AHNAK: variants seen among roughly 807,000 people sequenced by gnomAD.
AHNAK encodes AHNAK nucleoprotein.
AHNAK carries 23 observed loss-of-function variants against 37.8 expected under a neutral mutation model. The observed-to-expected ratio is 0.61, with a 90% confidence interval of 0.44 to 0.86. AHNAK has a LOEUF of 0.86. Among genes scored for constraint, AHNAK ranks in the 40% least tolerant of loss-of-function variants. The pLI, the probability that AHNAK is intolerant of heterozygous loss-of-function variation, is 0.00. For synonymous variants in AHNAK, 2,481 were observed against 2,636.3 expected (o/e 0.94, Z 1.80); for missense variants, 7,411 against 7,319.4 (o/e 1.01, Z -0.46).
At position 62,535,034 on chromosome 11, in the gene AHNAK, A is replaced by G. The variant is rs1222742426; in HGVS notation, c.311T>C (p.Val104Ala). ...PEPGQTWTRE[V>A]FSSCSSEVVL... ...CACTTCAGAGCTGCAGGAGCTGAAG[A>G]CTTCACGGGTCCAGGTCTGGCCAGG... Residue 104 changes from valine (V) to alanine (A), a missense_variant, in exon 4 of 5, where the codon GTC becomes GCC. Val to Ala is a moderately conservative substitution (Grantham distance 64). Coordinates refer to ENST00000378024, the MANE Select transcript of AHNAK (RefSeq NM_001620.3). The G allele has an allele frequency of 3.1e-6, 5 of 1,612,572 alleles. No homozygotes were observed. Among genetic ancestry groups the G allele is most frequent in the Non-Finnish European group, 4.2e-6 (5 of 1,178,974 alleles).
In AHNAK at chr11:62,526,844, C is replaced by A; in HGVS notation, c.7573G>T (p.Ala2525Ser). ...MPKFSMPGFK[A>S]EGPEVDVNLP... The stretch of plus-strand genomic sequence containing the variant: ...TTGACGTCTACTTCAGGGCCCTCTG[C>A]TTTGAAGCCAGGCATGCTGAACTTG... The change falls in exon 5 of 5, where the codon GCA becomes TCA. Residue 2525 changes from alanine (A) to serine (S), a missense_variant. Transcript: ENST00000378024. The A allele has an allele frequency of 3.7e-6, 6 of 1,613,896 alleles. No individual in the cohort carries two copies. The highest frequency in any genetic ancestry group is 5.1e-6 in the Non-Finnish European group (6 of 1,179,988).
In AHNAK at chr11:62,517,525, C is replaced by T. The variant is rs774860860; in HGVS notation, c.16892G>A (p.Gly5631Asp). 4 of 1,614,162 alleles carry T rather than the reference C, an allele frequency of 2.5e-6. No homozygotes were observed. Among genetic ancestry groups the T allele is most frequent in the Non-Finnish European group, 2.5e-6 (3 of 1,180,042 alleles). The change falls in exon 5 of 5, where the codon GGT becomes GAT. Residue 5631 changes from glycine to aspartate, a missense_variant. Gly to Asp is a moderately conservative substitution (Grantham distance 94). Transcript: ENST00000378024. ...GPKVEGGVKG[G>D]QIGLQAPGLS... is the part of the protein sequence containing the mutation. ...CCCAGGAGCCTGGAGTCCAATCTGA[C>T]CTCCTTTCACACCTCCTTCCACCTT...
rs1245451236 is a variant in AHNAK, at chr11:62,451,384, A to C, written c.443-17493T>G. Reference sequence around the variant, plus strand: ...CTGACAGCCTGGCAGGATGGCTGCCAGTAATTGTTTGAAATGGTTGCTTAA... The same window carrying C: ...CTGACAGCCTGGCAGGATGGCTGCCCGTAATTGTTTGAAATGGTTGCTTAA... On this transcript the variant is annotated intron_variant, in intron 5 of 5. Coordinates refer to the AHNAK transcript ENST00000257247. 1.3e-5 allele frequency among the ~76,000 whole-genome samples: 2 copies of C among 150,872 alleles called. 1 individual carries two copies. The highest frequency in any genetic ancestry group is 3.0e-5 in the Non-Finnish European group (2 of 67,386).
intron 5 of AHNAK, among the ~76,000 whole-genome samples, chr11:62,449,369 C>A (rs528250706): frequency 1.3e-5 from 2 of 152,274 alleles, no homozygotes; most frequent in South Asian, 4.1e-4. Flanking sequence ...GGGGTCTGCC[C>A]CCTGCTCAGC....
At chr11:62,534,150 G>C in intron 4 of AHNAK, 76 bp from the exon 5 acceptor site, 1 of 1,430,278 alleles carries the variant, frequency 7.0e-7, no homozygotes, top group Non-Finnish European at 9.3e-7. Flanking sequence ...CAGCCCAGCC[G>C]ACAACACGTT....
At chr11:62,480,945 G>A (rs1343479345) in intron 5 of AHNAK, among the ~76,000 whole-genome samples, 2 of 151,786 alleles carry the variant, frequency 1.3e-5, no homozygotes, top group South Asian at 2.1e-4. Flanking sequence ...TAATGTCCTC[G>A]ACCTTCCCCC....
rs1016065661 is a variant in AHNAK, at chr11:62,507,405, G to T, written c.343-15574C>A. 2.6e-5 allele frequency among the ~76,000 whole-genome samples: 4 copies of T among 152,306 alleles called. No individual in the cohort carries two copies. The East Asian group carries it at 7.7e-4, about 29-fold the overall frequency. On this transcript the variant is annotated intron_variant, in intron 4 of 5. Coordinates refer to the AHNAK transcript ENST00000257247. ...AGAGTATATAAGAATAGCTAACACA[G>T]TATTTACTATATGCTGACCACATTA... is the stretch of plus-strand genomic sequence containing the variant.
At chr11:62,540,290 T>G (rs1941081738) in intron 1 of AHNAK, among the ~76,000 whole-genome samples, 1 of 152,364 alleles carries the variant, frequency 6.6e-6, no homozygotes, top group East Asian at 1.9e-4. Context: ...TAGCCACATT[T>G]CAAGAGCTCA....
Position 62,532,642 on chromosome 11 carries a change from G to T in AHNAK, c.1775C>A (p.Pro592His). 1 of 1,613,120 alleles carries T rather than the reference G, an allele frequency of 6.2e-7. No homozygotes were observed. The highest frequency in any genetic ancestry group is 8.5e-7 in the Non-Finnish European group (1 of 1,179,708). Residue 592 changes from proline (P) to histidine (H), a missense_variant, in exon 5 of 5, where the codon CCC (proline) becomes CAC (histidine). Coordinates refer to ENST00000378024, the MANE Select transcript of AHNAK (RefSeq NM_001620.3). ...KVKGGVDVTL[P>H]RVEGKVKVPE... ...GACTTTGACTTTCCCTTCTACTCTG[G>T]GGAGTGTGACATCTACACCCCCTTT...
chr11:62,524,845 G>A lies in AHNAK; in HGVS notation c.9572C>T (p.Pro3191Leu), dbSNP rs1590662304. ...VSGPKVDVDV[P>L]DVNIEGPDAK... ...ATCTGGACCTTCAATATTCACATCT[G>A]GAACATCAACGTCCACCTTGGGTCC... is the stretch of plus-strand genomic sequence containing the variant. Residue 3191 changes from proline to leucine, a missense_variant, in exon 5 of 5, where the codon CCA becomes CTA. Coordinates refer to ENST00000378024, the MANE Select transcript of AHNAK (RefSeq NM_001620.3). 3 of 1,614,108 alleles carry A rather than the reference G, an allele frequency of 1.9e-6. No individual in the cohort carries two copies. In the East Asian group the frequency reaches 6.7e-5, roughly 36 times the overall value.
chr11:62,526,301 TG>T lies in AHNAK; in HGVS notation c.8115del (p.Lys2706ArgfsTer9). On this transcript the variant is annotated frameshift_variant, in exon 5 of 5. Transcript: ENST00000378024. LOFTEE classifies it low-confidence loss of function (END_TRUNC). ...AAGTCAATATCAGGCATGGAGATCT[TG>T]GGGGCTTTGATATTCATCTCTGGCA... ...FKMPEMNIKA[P>X]KISMPDIDLN... 6.2e-7 allele frequency: 1 copy of T among 1,613,970 alleles called. No individual in the cohort carries two copies. Among genetic ancestry groups the T allele is most frequent in the Non-Finnish European group, 8.5e-7 (1 of 1,179,994 alleles).
At chr11:62,488,287 A>G (rs988116861) in intron 5 of AHNAK, among the ~76,000 whole-genome samples, 18 of 152,220 alleles carry the variant, frequency 1.2e-4, no homozygotes, top group African/African-American at 4.3e-4. Flanking sequence ...TACAACAAAA[A>G]GTGCTGCATT....
At chr11:62,439,403 C>T (rs1938253461) in intron 5 of AHNAK, among the ~76,000 whole-genome samples, 1 of 151,756 alleles carries the variant, frequency 6.6e-6, no homozygotes, top group African/African-American at 2.4e-5. Flanking sequence ...GGCAGTTTCC[C>T]TATTTTTCTC....
chr11:62,499,512 C>T (rs1939676718), intron 4 of AHNAK, among the ~76,000 whole-genome samples: 1 of 152,120 alleles, frequency 6.6e-6, no homozygotes, highest in African/African-American at 2.4e-5. Flanking sequence ...GATCGCACCA[C>T]AGCACTCCAG....
chr11:62,466,786 A>AT (rs1201318704), intron 5 of AHNAK, among the ~76,000 whole-genome samples: 1 of 152,218 alleles, frequency 6.6e-6, no homozygotes, highest in Non-Finnish European at 1.5e-5. Context: ...TCAGTGAAGT[A>AT]AAACCTTATT....
rs1940791711 is a variant in AHNAK, at chr11:62,532,457, T to C, written c.1960A>G (p.Lys654Glu). Reference sequence around the variant, plus strand: ...GGCCCTGAAATACTGATATCTCCTTTGGGTAGAGTCATATGAACATCTGGA... The same window carrying C: ...GGCCCTGAAATACTGATATCTCCTTCGGGTAGAGTCATATGAACATCTGGA... Reference protein sequence around the residue: ...EGPDVHMTLPKGDISISGPKV... With the variant: ...EGPDVHMTLPEGDISISGPKV... Residue 654 changes from lysine (K) to glutamate (E), a missense_variant, in exon 5 of 5, where the codon AAA (lysine) becomes GAA (glutamate). Coordinates refer to ENST00000378024, the MANE Select transcript of AHNAK (RefSeq NM_001620.3). 2 of 1,613,948 alleles carry C rather than the reference T, an allele frequency of 1.2e-6. No individual in the cohort carries two copies. The highest frequency in any genetic ancestry group is 3.3e-5 in the Admixed American group (2 of 59,996).
chr11:62,490,045 C>T (rs1384513628), intron 5 of AHNAK, among the ~76,000 whole-genome samples: 1 of 151,706 alleles, frequency 6.6e-6, no homozygotes, highest in Non-Finnish European at 1.5e-5. Flanking sequence ...GGGTGGAAGC[C>T]TGGGAACGGG....
At chr11:62,491,696 G>T in intron 5 of AHNAK, 1 of 1,548,128 alleles carries the variant, frequency 6.5e-7, no homozygotes, top group Non-Finnish European at 8.8e-7. Context: ...TCATAATCAA[G>T]GTCATCCGTC....
In AHNAK at chr11:62,519,767, C is replaced by T. The variant is rs760670434; in HGVS notation, c.14650G>A (p.Asp4884Asn). 7 of 1,613,006 alleles carry T rather than the reference C, an allele frequency of 4.3e-6. No individual in the cohort carries two copies. The Admixed American group carries it at 1.0e-4, about 23-fold the overall frequency. The change falls in exon 5 of 5, where the codon GAT becomes AAT. Residue 4884 changes from aspartate (D) to asparagine (N), a missense_variant. Physicochemically the swap from Asp to Asn is conservative, Grantham distance 23 (BLOSUM62 1). Transcript: ENST00000378024. ...AAATCCAGACGTGGACCTTTAAGAT[C>T]TACTTCTGGGCCTTTCAAAGTCCCT... ...VEGTLKGPEV[D>N]LKGPRLDFEG...
Sources: allele counts gnomAD v4.1 joint callset (sites outside exome capture counted in the v4.1 genomes callset), GRCh38; gene constraint gnomAD v4.1.1; transcripts MANE v1.5; gene names NCBI Gene and HGNC (gene_info 2026-07-23, HGNC 2026-07-21).